Variants in MYO16 observed in about 807,000 individuals in gnomAD.
The protein encoded by MYO16 is myosin XVI.
A neutral mutation model predicts 205.3 loss-of-function variants in MYO16; 94 were observed. The ratio of observed to expected loss-of-function variants is 0.46; its 90% confidence interval spans 0.39 to 0.54. MYO16 has a LOEUF of 0.54. Among genes scored for constraint, MYO16 ranks in the 20% least tolerant of loss-of-function variants. MYO16 has a pLI of 0.00. For synonymous variants in MYO16, 988 were observed against 954.0 expected, an observed-to-expected ratio of 1.04 and a Z score of -0.66; for missense variants, 2,315 against 2,387.5, an observed-to-expected ratio of 0.97 and a Z score of 0.63.
At chr13:109,108,597 A>G (rs1038105039) in intron 28 of MYO16, among the ~76,000 whole-genome samples, 3 of 152,230 alleles carry the variant, frequency 2.0e-5, no homozygotes, top group East Asian at 1.9e-4. Context: ...AGGCAAGGCA[A>G]TTGCGATGGC....
chr13:108,534,340 C>T, the MYO16 span, among the ~76,000 whole-genome samples: 1 of 152,136 alleles, frequency 6.6e-6, no homozygotes, highest in African/African-American at 2.4e-5. Flanking sequence ...CCTAAAGCTT[C>T]TAGGGAAAGC....
intron 16 of MYO16, among the ~76,000 whole-genome samples, chr13:108,913,639 T>G (rs1881362590): frequency 1.3e-5 from 2 of 152,188 alleles, no homozygotes; most frequent in African/African-American, 4.8e-5. Context: ...TTGGTACCCA[T>G]AGGTAAAGGA....
intron 5 of MYO16, among the ~76,000 whole-genome samples, chr13:108,789,972 A>G (rs1026741491): frequency 6.6e-6 from 1 of 152,178 alleles, no homozygotes; most frequent in African/African-American, 2.4e-5. Context: ...AGAAGGCATC[A>G]CAGAAGTGTC....
intron 12 of MYO16, among the ~76,000 whole-genome samples, chr13:108,878,550 T>C (rs1879438064): frequency 6.6e-6 from 1 of 152,238 alleles, no homozygotes; most frequent in Non-Finnish European, 1.5e-5. Flanking sequence ...TTTTCCTGGA[T>C]GCCAGACAAG....
At chr13:108,685,855 T>A (rs1317020520) in intron 2 of MYO16, among the ~76,000 whole-genome samples, 1 of 152,204 alleles carries the variant, frequency 6.6e-6, no homozygotes, top group Non-Finnish European at 1.5e-5. Flanking sequence ...TCTGTCCTTG[T>A]GTGTCTGGGT....
At chr13:108,792,048 T>A (rs1460794534) in intron 5 of MYO16, among the ~76,000 whole-genome samples, 2 of 152,192 alleles carry the variant, frequency 1.3e-5, no homozygotes, top group African/African-American at 4.8e-5. Flanking sequence ...AGAAGATGAA[T>A]TAATTCTCCT....
chr13:108,653,701 C>T (rs548103215), intron 1 of MYO16, among the ~76,000 whole-genome samples: 1 of 151,448 alleles, frequency 6.6e-6, no homozygotes, highest in Admixed American at 6.6e-5. Flanking sequence ...ATATATTCTT[C>T]CCCCGGTGTA....
the MYO16 span, among the ~76,000 whole-genome samples, chr13:108,501,264 T>A: frequency 6.6e-6 from 1 of 152,176 alleles, no homozygotes; most frequent in South Asian, 2.1e-4. Context: ...CAGCAGAAGA[T>A]AAAAGCGAGC....
At chr13:108,878,855 C>CA (rs1321869534) in intron 12 of MYO16, among the ~76,000 whole-genome samples, 2 of 152,368 alleles carry the variant, frequency 1.3e-5, no homozygotes, top group East Asian at 3.9e-4. Flanking sequence ...CACCCCGTCA[C>CA]ACATCCTGCG....
intron 14 of MYO16, among the ~76,000 whole-genome samples, chr13:108,893,641 G>A (rs1880273660): frequency 6.6e-6 from 1 of 152,140 alleles, no homozygotes; most frequent in Non-Finnish European, 1.5e-5. Flanking sequence ...AGTTCACTAG[G>A]TGGCCCTAAG....
chr13:108,740,054 T>G (rs1347380303), intron 4 of MYO16, among the ~76,000 whole-genome samples: 22 of 152,032 alleles, frequency 1.4e-4, no homozygotes, highest in Non-Finnish European at 5.9e-5. Flanking sequence ...TTTTTAGAGG[T>G]TTTTAGCTTC....
At chr13:108,816,758 T>C (rs903371977) in intron 7 of MYO16, among the ~76,000 whole-genome samples, 1 of 152,214 alleles carries the variant, frequency 6.6e-6, no homozygotes, top group Non-Finnish European at 1.5e-5. Context: ...GCTGAGCCAG[T>C]GTACACCTAA....
At chr13:109,023,570 C>T (rs12858269) in intron 23 of MYO16, among the ~76,000 whole-genome samples, 1 of 119,410 alleles carries the variant, frequency 8.4e-6, no homozygotes. Context: ...TATACAAATA[C>T]ATGTATATAT....
At chr13:108,744,548 G>A (rs576779858) in intron 4 of MYO16, among the ~76,000 whole-genome samples, 1 of 152,348 alleles carries the variant, frequency 6.6e-6, no homozygotes, top group African/African-American at 2.4e-5. Context: ...ACCCAGGTTA[G>A]CAGCTCCCAG....
intron 34 of MYO16, among the ~76,000 whole-genome samples, chr13:109,197,859 T>C (rs181872909): frequency 1.3e-5 from 2 of 152,286 alleles, no homozygotes; most frequent in Admixed American, 1.3e-4. Context: ...ATTCACAACA[T>C]TGATGTTAGG....
intron 20 of MYO16, among the ~76,000 whole-genome samples, chr13:108,990,183 C>CACAT (rs1555321051): frequency 3.5e-5 from 5 of 144,800 alleles, no homozygotes; most frequent in Admixed American, 6.9e-5. Flanking sequence ...CACACACACA[C>CACAT]GACCAAAACA....
intron 33 of MYO16, among the ~76,000 whole-genome samples, chr13:109,177,433 G>C (rs773416760): frequency 2.0e-5 from 3 of 152,090 alleles, no homozygotes; most frequent in Non-Finnish European, 4.4e-5. Flanking sequence ...TATCGATTCC[G>C]CTCTGAGCTT....
intron 9 of MYO16, among the ~76,000 whole-genome samples, chr13:108,840,187 G>A (rs924206713): frequency 2.0e-5 from 3 of 152,072 alleles, no homozygotes; most frequent in African/African-American, 7.2e-5. Flanking sequence ...TCACCTACTT[G>A]CAAGTATTTT....
chr13:109,193,302 T>C (rs1163324196), intron 34 of MYO16, among the ~76,000 whole-genome samples: 1 of 152,244 alleles, frequency 6.6e-6, no homozygotes, highest in Non-Finnish European at 1.5e-5. Context: ...TTCAGCATTT[T>C]CTGAGTGCAT....
Sources: gnomAD v4.1 joint callset for allele counts (sites outside exome capture counted in the v4.1 genomes callset) on GRCh38, gnomAD v4.1.1 for gene constraint, MANE v1.5 for transcripts, NCBI Gene and HGNC (gene_info 2026-07-23, HGNC 2026-07-21) for gene names.